The following CLXN variants were observed in gnomAD, a reference collection of about 807,000 sequenced individuals.
The protein encoded by CLXN is EF-hand calcium binding domain 1.
the CLXN span, among the ~76,000 whole-genome samples, chr8:48,725,044 G>T: frequency 6.6e-6 from 1 of 152,302 alleles, no homozygotes; most frequent in South Asian, 2.1e-4. Context: ...CTCCAGCCTG[G>T]TGGCAGAGAC....
the CLXN span, chr8:48,724,725 T>C: frequency 2.5e-6 from 4 of 1,596,044 alleles, no homozygotes; most frequent in Non-Finnish European, 3.4e-6. Context: ...CTTGAGACAA[T>C]ATAGACATTT....
At chr8:48,718,033 G>A in the CLXN span, among the ~76,000 whole-genome samples, 1 of 152,120 alleles carries the variant, frequency 6.6e-6, no homozygotes, top group Non-Finnish European at 1.5e-5. Flanking sequence ...CAACCAAAAG[G>A]CATAGAGTGG....
At chr8:48,719,723 C>G in the CLXN span, among the ~76,000 whole-genome samples, 1 of 152,200 alleles carries the variant, frequency 6.6e-6, no homozygotes, top group Non-Finnish European at 1.5e-5. Context: ...ACCAACCATT[C>G]ATGATGAAAT....
At chr8:48,724,794 A>G in the CLXN span, 1 of 1,611,412 alleles carries the variant, frequency 6.2e-7, no homozygotes. Flanking sequence ...TTCAAATTCC[A>G]TCTGGCTCTG....
chr8:48,732,732 G>T, the CLXN span, among the ~76,000 whole-genome samples: 1 of 152,126 alleles, frequency 6.6e-6, no homozygotes, highest in African/African-American at 2.4e-5. Flanking sequence ...ATGGAGGAAT[G>T]GATAGACAAA....
chr8:48,726,777 C>T, the CLXN span, among the ~76,000 whole-genome samples: 1 of 149,934 alleles, frequency 6.7e-6, no homozygotes, highest in South Asian at 2.1e-4. Flanking sequence ...ACTTACCCAC[C>T]CACCTCACCC....
chr8:48,725,546 G>A, the CLXN span, among the ~76,000 whole-genome samples: 9 of 152,260 alleles, frequency 5.9e-5, no homozygotes, highest in African/African-American at 1.7e-4. Context: ...GCTCATGCCT[G>A]TAATCCCAGC....
At chr8:48,730,524 C>A in the CLXN span, 4 of 1,544,168 alleles carry the variant, frequency 2.6e-6, no homozygotes, top group Admixed American at 6.8e-5. Context: ...ACCAATAGGA[C>A]AACCTGCAAT....
the CLXN span, among the ~76,000 whole-genome samples, chr8:48,733,332 T>C: frequency 6.6e-6 from 1 of 152,212 alleles, no homozygotes; most frequent in African/African-American, 2.4e-5. Context: ...AAGAAAACTT[T>C]TATTGCTAAA....
chr8:48,717,709 A>G, the CLXN span, among the ~76,000 whole-genome samples: 10 of 152,332 alleles, frequency 6.6e-5, no homozygotes, highest in South Asian at 2.1e-3. Context: ...TTAGTAAGAG[A>G]CACACAATGT....
At chr8:48,726,831 G>T in the CLXN span, among the ~76,000 whole-genome samples, 3 of 108,048 alleles carry the variant, frequency 2.8e-5, no homozygotes, top group East Asian at 9.5e-4. Flanking sequence ...TCCATCCATT[G>T]TCCATCCATG....
chr8:48,712,739 A>G, the CLXN span, among the ~76,000 whole-genome samples: 3 of 152,088 alleles, frequency 2.0e-5, no homozygotes, highest in African/African-American at 7.2e-5. Context: ...GGTGGCTCAC[A>G]CCTGTAATCC....
the CLXN span, among the ~76,000 whole-genome samples, chr8:48,727,984 GA>G: frequency 6.6e-6 from 1 of 152,164 alleles, no homozygotes; most frequent in East Asian, 1.9e-4. Flanking sequence ...TTGAGATAGG[GA>G]AGACTGGGGG....
At chr8:48,734,943 C>T in the CLXN span, 1 of 860,504 alleles carries the variant, frequency 1.2e-6, no homozygotes, top group Admixed American at 2.7e-5. Context: ...CCCTCTCTGA[C>T]TTCTGCTTAA....
At chr8:48,726,187 TCATC>T in the CLXN span, among the ~76,000 whole-genome samples, 1 of 76,470 alleles carries the variant, frequency 1.3e-5, no homozygotes, top group Non-Finnish European at 2.4e-5. Flanking sequence ...ATCCATCCAC[TCATC>T]CATCCATCTA....
the CLXN span, among the ~76,000 whole-genome samples, chr8:48,718,743 A>T: frequency 1.3e-5 from 2 of 152,126 alleles, no homozygotes; most frequent in Non-Finnish European, 2.9e-5. Context: ...GAATTTAAAA[A>T]TTATCTCAAG....
the CLXN span, among the ~76,000 whole-genome samples, chr8:48,727,698 A>G: frequency 1.3e-5 from 2 of 152,104 alleles, no homozygotes; most frequent in Admixed American, 1.3e-4. Context: ...GGGGGTTTTG[A>G]GCATGGGAGG....
At chr8:48,731,465 A>G in the CLXN span, 8 of 1,612,906 alleles carry the variant, frequency 5.0e-6, no homozygotes, top group Non-Finnish European at 6.8e-6. Flanking sequence ...ACCAAGTCAT[A>G]AAAAAGCTTT....
the CLXN span, among the ~76,000 whole-genome samples, chr8:48,718,794 C>T: frequency 1.3e-5 from 2 of 151,802 alleles, no homozygotes; most frequent in African/African-American, 2.4e-5. Context: ...TTATACAATG[C>T]AGCAAAAGTA....
Sources: allele counts gnomAD v4.1 joint callset (sites outside exome capture counted in the v4.1 genomes callset), GRCh38; gene constraint gnomAD v4.1.1; transcripts MANE v1.5; gene names NCBI Gene and HGNC (gene_info 2026-07-23, HGNC 2026-07-21).